OXNAD1: variants seen among roughly 807,000 people sequenced by gnomAD.
OXNAD1 encodes the protein oxidoreductase NAD binding domain containing 1, also known as oxidoreductase NAD-binding domain-containing protein 1.
Under a neutral mutation model 32.9 loss-of-function variants are expected in OXNAD1, and 34 were observed. That is an observed-to-expected ratio of 1.03 (90% CI 0.79 to 1.38). The LOEUF is 1.38. Among genes scored for constraint, OXNAD1 ranks in the 40% most tolerant of loss-of-function variants. The pLI is 0.00. For missense variants in OXNAD1, 407 were observed against 379.4 expected, an observed-to-expected ratio of 1.07 and a Z score of -0.60; for synonymous variants, 134 against 135.2, an observed-to-expected ratio of 0.99 and a Z score of 0.06.
rs1447429690 is a variant in OXNAD1 at position 16,284,133 on chromosome 3, A to G, written c.184-2209A>G. 1.3e-5 allele frequency among the ~76,000 whole-genome samples: 2 copies of G among 152,370 alleles called. No homozygotes were observed. The highest frequency in any genetic ancestry group is 2.1e-4 in the South Asian group (1 of 4,832). On this transcript the variant is annotated intron_variant, in intron 4 of 8. Coordinates refer to ENST00000285083, the MANE Select transcript of OXNAD1 (RefSeq NM_138381.5). This position sits in a 1 kb window ranked among gnomAD's most constrained non-coding sequence, Gnocchi z 4.1. ...GTTTGCACTGGTAAAAACATGTACA[A>G]GCCCACCACACTGCAGTTTCTTGTT...
intron 4 of OXNAD1, chr3:16,276,543 C>G (rs2065341055): frequency 6.3e-6 from 1 of 158,344 alleles, no homozygotes; most frequent in Non-Finnish European, 1.3e-5. Context: ...TACCACTTTT[C>G]AAGTGTTTCT....
At chr3:16,295,078 C>T in intron 6 of OXNAD1, 81 bp downstream of exon 6, 2 of 1,442,796 alleles carry the variant, frequency 1.4e-6, no homozygotes, top group South Asian at 3.2e-5. Flanking sequence ...ATTTGATTCA[C>T]CTAAGAAACC....
chr3:16,302,511 T>C lies in OXNAD1; in HGVS notation c.676-129T>C, dbSNP rs1171445180. ...CTGGCCTGCTAGGCTGCAAACAATA[T>C]CTCTCTAAGTAGAGAGCGAGAGCGG... On this transcript the variant is annotated intron_variant, in intron 7 of 8. Transcript: ENST00000285083. This position sits in a 1 kb window ranked among gnomAD's most constrained non-coding sequence, Gnocchi z 4.2. The C allele has an allele frequency of 1.6e-6, 1 of 642,984 alleles. No homozygotes were observed. Among genetic ancestry groups the C allele is most frequent in the African/African-American group, 1.8e-5 (1 of 54,108 alleles). 39.8% of individuals were successfully genotyped at this position (642,984 alleles called of 1,614,324 possible). A position where few individuals can be genotyped will look rare whatever the true frequency, so the allele number is the denominator to read the frequency against.
chr3:16,317,326 T>C lies in OXNAD1; in HGVS notation c.*30+13734T>C. 7.6e-7 allele frequency: 1 copy of C among 1,314,936 alleles called. No individual in the cohort carries two copies. Among genetic ancestry groups the C allele is most frequent in the East Asian group, 2.4e-5 (1 of 41,936 alleles). 81.5% of individuals were successfully genotyped at this position (1,314,936 alleles called of 1,614,324 possible). On this transcript the variant is annotated intron_variant, in intron 9 of 9. Coordinates refer to the OXNAD1 transcript ENST00000435829. This position sits in a 1 kb window ranked among gnomAD's most constrained non-coding sequence, Gnocchi z 4.3. ...TTTGCATTCATACCCACACCATGTCTGAGTGAGACATACAATTCCCAGCAT... is the reference window on the plus strand; with the variant it reads ...TTTGCATTCATACCCACACCATGTCCGAGTGAGACATACAATTCCCAGCAT...
Position 16,320,171 on chromosome 3 carries a change from A to C in OXNAD1, c.*30+16579A>C, listed in dbSNP as rs1315515924. On this transcript the variant is annotated intron_variant, in intron 9 of 9. Transcript: ENST00000435829. The surrounding 1 kb of genome is among the most constrained non-coding windows in gnomAD (Gnocchi z 4.5). ...AACTGCCCATGATGTGTCCACTTCA[A>C]GTAGTTTAGCTGGAAGGAAGTCTTC... Among the ~76,000 whole-genome samples the C allele has an allele frequency of 2.6e-5, 4 of 152,220 alleles. No homozygotes were observed. The highest frequency in any genetic ancestry group is 4.4e-5 in the Non-Finnish European group (3 of 68,030).
chr3:16,324,604 A>T (rs1386643745), intron 9 of OXNAD1, among the ~76,000 whole-genome samples: 1 of 121,248 alleles, frequency 8.2e-6, no homozygotes, highest in Non-Finnish European at 1.7e-5. Flanking sequence ...AAATAACAGA[A>T]TGTCCCTGAC....
At chr3:16,285,430 A>AACAG (rs2066009219) in intron 4 of OXNAD1, among the ~76,000 whole-genome samples, 1 of 152,210 alleles carries the variant, frequency 6.6e-6, no homozygotes, top group Non-Finnish European at 1.5e-5. Flanking sequence ...AGTAAAGATG[A>AACAG]ACAGACATAG....
chr3:16,310,806 A>G (rs914834137), downstream of OXNAD1, among the ~76,000 whole-genome samples: 2 of 152,022 alleles, frequency 1.3e-5, no homozygotes, highest in Non-Finnish European at 2.9e-5. Flanking sequence ...CCTGACCAAC[A>G]TGGAGAAACA....
At chr3:16,285,838 C>A (rs369449639) in intron 4 of OXNAD1, among the ~76,000 whole-genome samples, 5 of 152,208 alleles carry the variant, frequency 3.3e-5, no homozygotes, top group African/African-American at 4.8e-5. Context: ...CAAGATTGTT[C>A]TGTGAAATTG....
At position 16,342,371 on chromosome 3, in the gene OXNAD1, T is replaced by C. The variant is rs2071374577; in HGVS notation, c.*31-6805T>C. On this transcript the variant is annotated intron_variant, in intron 9 of 9. Coordinates refer to the OXNAD1 transcript ENST00000606098. The surrounding 1 kb of genome is among the most constrained non-coding windows in gnomAD (Gnocchi z 4.0). ...ATACATGTAGCATATATCAGTAGTT[T>C]ATTCCTTTTTATTGCAAAATAATAT... Among the ~76,000 whole-genome samples, 1 of 152,392 alleles carries C rather than the reference T, an allele frequency of 6.6e-6. No individual in the cohort carries two copies. The highest frequency in any genetic ancestry group is 1.9e-4 in the East Asian group (1 of 5,192).
intron 4 of OXNAD1, among the ~76,000 whole-genome samples, chr3:16,279,140 T>G (rs2065561514): frequency 2.0e-5 from 3 of 152,224 alleles, no homozygotes; most frequent in African/African-American, 4.8e-5. Flanking sequence ...GAGCAGTGCT[T>G]GACGCTCCTG....
chr3:16,273,666 G>A (rs1235969849), intron 4 of OXNAD1, among the ~76,000 whole-genome samples: 6 of 152,168 alleles, frequency 3.9e-5, no homozygotes, highest in Admixed American at 3.9e-4. Context: ...TGGGATTACA[G>A]GCATGAGCCA....
rs1193421624 is a variant in OXNAD1, at chr3:16,316,032, G to A, written c.*30+12440G>A. On this transcript the variant is annotated intron_variant, in intron 9 of 9. Transcript: ENST00000435829. This position sits in a 1 kb window ranked among gnomAD's most constrained non-coding sequence, Gnocchi z 4.5. ...ACACAGCATACATGGGTAACAACTTGACCAATGTTACACTGATTAAAATAG... is the reference window on the plus strand; with the variant it reads ...ACACAGCATACATGGGTAACAACTTAACCAATGTTACACTGATTAAAATAG... The A allele has an allele frequency of 6.6e-6, 1 of 152,442 alleles. No homozygotes were observed. Among genetic ancestry groups the A allele is most frequent in the Non-Finnish European group, 1.5e-5 (1 of 68,058 alleles). 9.4% of individuals were successfully genotyped at this position (152,442 alleles called of 1,614,324 possible).
rs2070913307 is a variant in OXNAD1, at chr3:16,336,945, A to G, written c.*31-167A>G. Among the ~76,000 whole-genome samples, 1 of 152,204 alleles carries G rather than the reference A, an allele frequency of 6.6e-6. No homozygotes were observed. The highest frequency in any genetic ancestry group is 6.5e-5 in the Admixed American group (1 of 15,292). On this transcript the variant is annotated intron_variant, in intron 9 of 9. Transcript: ENST00000435829. The surrounding 1 kb of genome is among the most constrained non-coding windows in gnomAD (Gnocchi z 6.0). ...TTCCCTGTGTCCAGGCCACTTTCCA[A>G]CACAGCTCGGCAGCTCCTCCCATAA...
At chr3:16,323,307 G>A in intron 9 of OXNAD1, 3 of 1,197,500 alleles carry the variant, frequency 2.5e-6, no homozygotes, top group South Asian at 1.3e-5. Flanking sequence ...CCCCTCAAAT[G>A]CTGCAGAAAA....
chr3:16,281,661 A>G (rs1280900390), intron 4 of OXNAD1, among the ~76,000 whole-genome samples: 1 of 152,134 alleles, frequency 6.6e-6, no homozygotes, highest in Non-Finnish European at 1.5e-5. Flanking sequence ...TTCCTCATTG[A>G]ATTTTACATT....
intron 4 of OXNAD1, among the ~76,000 whole-genome samples, chr3:16,283,325 G>A (rs181593093): frequency 3.3e-5 from 5 of 152,234 alleles, no homozygotes; most frequent in East Asian, 1.9e-4. Flanking sequence ...GCATAAGTGC[G>A]TTTACCACTG....
In OXNAD1 at chr3:16,334,170, A is replaced by T. The variant is rs955893786; in HGVS notation, c.*31-2942A>T. Among the ~76,000 whole-genome samples the T allele has an allele frequency of 1.3e-5, 2 of 152,160 alleles. No individual in the cohort carries two copies. The highest frequency in any genetic ancestry group is 2.9e-5 in the Non-Finnish European group (2 of 68,032). ...ACAGAGCAAGACTCTGTCTCAAAAC[A>T]AAAACAAAAACAAAAAACAACAACA... On this transcript the variant is annotated intron_variant, in intron 9 of 9. Transcript: ENST00000435829. This position sits in a 1 kb window ranked among gnomAD's most constrained non-coding sequence, Gnocchi z 4.3.
At chr3:16,293,198 C>T (rs137924040) in intron 5 of OXNAD1, among the ~76,000 whole-genome samples, 83 of 152,134 alleles carry the variant, frequency 5.5e-4, no homozygotes, top group African/African-American at 2.0e-3. Flanking sequence ...AATTTTTTTC[C>T]AATGGTGTTT....
Sources: allele counts gnomAD v4.1 joint callset (sites outside exome capture counted in the v4.1 genomes callset), GRCh38; gene constraint gnomAD v4.1.1; non-coding constraint Gnocchi (gnomAD v3.1); transcripts MANE v1.5; gene names NCBI Gene and HGNC (gene_info 2026-07-23, HGNC 2026-07-21).